The following ADCY10 variants were observed in gnomAD, a reference collection of about 807,000 sequenced individuals.
The protein encoded by ADCY10 is adenylate cyclase 10.
Under a neutral mutation model 183.3 loss-of-function variants are expected in ADCY10, and 156 were observed. That is an observed-to-expected ratio of 0.85 (90% CI 0.75 to 0.97). The LOEUF (loss-of-function observed/expected upper bound fraction) is 0.97, where lower values mean the gene tolerates loss of function less well. Among genes scored for constraint, ADCY10 ranks in the 50% least tolerant of loss-of-function variants. The pLI is 0.00. For synonymous variants in ADCY10, 645 were observed against 670.0 expected (o/e 0.96, Z 0.58); for missense variants, 1,745 against 1,934.3 (o/e 0.90, Z 1.84).
At chr1:167,873,150 G>C (rs1451556160) in intron 13 of ADCY10, among the ~76,000 whole-genome samples, 1 of 152,140 alleles carries the variant, frequency 6.6e-6, no homozygotes, top group South Asian at 2.1e-4. Flanking sequence ...TAGAAAGAAG[G>C]TTAGGATTCT....
chr1:167,865,202 G>A (rs1666595183), intron 14 of ADCY10, among the ~76,000 whole-genome samples: 1 of 151,968 alleles, frequency 6.6e-6, no homozygotes, highest in Non-Finnish European at 1.5e-5. Context: ...ATTAGAAGGA[G>A]GCATAAGAAT....
chr1:167,832,927 G>T, intron 25 of ADCY10, 60 bp downstream of exon 25: 2 of 1,567,770 alleles, frequency 1.3e-6, no homozygotes, highest in Non-Finnish European at 1.8e-6. Context: ...CTTGGATTAT[G>T]TGTAGGCCTC....
intron 21 of ADCY10, among the ~76,000 whole-genome samples, chr1:167,842,734 G>C (rs1452022217): frequency 6.6e-6 from 1 of 152,158 alleles, no homozygotes; most frequent in Admixed American, 6.5e-5. Flanking sequence ...TCTAATGCCA[G>C]TTATATGACA....
chr1:167,814,898 G>T (rs763328635), intron 31 of ADCY10, among the ~76,000 whole-genome samples: 1 of 152,162 alleles, frequency 6.6e-6, no homozygotes, highest in Non-Finnish European at 1.5e-5. Flanking sequence ...GGCCGAGGTG[G>T]TCGGATCACC....
At chr1:167,903,204 T>C (rs956005944) in intron 3 of ADCY10, among the ~76,000 whole-genome samples, 2 of 151,722 alleles carry the variant, frequency 1.3e-5, no homozygotes, top group African/African-American at 4.9e-5. Flanking sequence ...TGCAGTGAGC[T>C]GAGATCGTGC....
At chr1:167,824,422 C>T (rs1295002952) in intron 28 of ADCY10, 54 bp downstream of exon 28, 7 of 1,471,386 alleles carry the variant, frequency 4.8e-6, no homozygotes, top group Non-Finnish European at 6.7e-6. Context: ...ACCCAGAATA[C>T]TCAATAATAC....
intron 1 of ADCY10, among the ~76,000 whole-genome samples, chr1:167,909,306 C>T (rs559413272): frequency 1.7e-4 from 26 of 152,284 alleles, no homozygotes; most frequent in Admixed American, 9.2e-4. Flanking sequence ...GTTGTTCCCA[C>T]TTTTAGACCA....
chr1:167,894,791 C>A (rs943650682), intron 7 of ADCY10, among the ~76,000 whole-genome samples: 1 of 152,048 alleles, frequency 6.6e-6, no homozygotes, highest in African/African-American at 2.4e-5. Flanking sequence ...TCAGAAGTGC[C>A]GGTGGTCTGG....
intron 8 of ADCY10, among the ~76,000 whole-genome samples, chr1:167,884,665 T>G (rs34136474): frequency 0.18 from 26,630 of 150,476 alleles, 2,567 homozygotes; most frequent in Middle Eastern, 0.23. Flanking sequence ...ATCCTTATAT[T>G]CTCTACCCCC....
At chr1:167,913,732 G>A (rs1352442682) in intron 1 of ADCY10, among the ~76,000 whole-genome samples, 1 of 151,434 alleles carries the variant, frequency 6.6e-6, no homozygotes, top group African/African-American at 2.4e-5. Context: ...CTGCAGAAAA[G>A]AGGCAAATAA....
chr1:167,850,064 T>C (rs575026884), intron 18 of ADCY10, among the ~76,000 whole-genome samples: 25 of 152,132 alleles, frequency 1.6e-4, no homozygotes, highest in Admixed American at 1.2e-3. Flanking sequence ...GAAGAGGAGA[T>C]AGTAGTAATC....
intron 7 of ADCY10, 55 bp from the exon 8 acceptor site, chr1:167,893,996 G>A: frequency 1.6e-6 from 2 of 1,248,722 alleles, no homozygotes; most frequent in Non-Finnish European, 2.3e-6. Flanking sequence ...GCTCTGCAGT[G>A]CTAGTGAGAG....
In ADCY10 at chr1:167,837,593, C is replaced by T. The variant is rs546844819; in HGVS notation, c.3008-275G>A. On this transcript the variant is annotated intron_variant, in intron 21 of 32. Coordinates refer to ENST00000367851, the MANE Select transcript of ADCY10 (RefSeq NM_018417.6). ...CAAGAAAGCAAGTAATTCTAAGAAC[C>T]TGAAGGATAGCAAACCCACAAGTTG... 2.0e-5 allele frequency among the ~76,000 whole-genome samples: 3 copies of T among 152,298 alleles called. No homozygotes were observed. The South Asian group carries it at 6.2e-4, about 32-fold the overall frequency.
At chr1:167,834,230 G>A (rs1664019763) in intron 23 of ADCY10, among the ~76,000 whole-genome samples, 153 bp from the exon 24 acceptor site, 1 of 152,190 alleles carries the variant, frequency 6.6e-6, no homozygotes. Flanking sequence ...ATTAAAATGG[G>A]CTTCCAAATT....
chr1:167,846,298 T>G (rs1278359896), intron 19 of ADCY10, 35 bp from the exon 20 acceptor site: 1 of 1,611,490 alleles, frequency 6.2e-7, no homozygotes, highest in Non-Finnish European at 8.5e-7. Context: ...GAAAACTAGT[T>G]ATTTATCTTT....
At chr1:167,849,852 G>A (rs565941625) in intron 18 of ADCY10, among the ~76,000 whole-genome samples, 2 of 152,288 alleles carry the variant, frequency 1.3e-5, no homozygotes, top group East Asian at 1.9e-4. Flanking sequence ...AGGCCAACGC[G>A]AAGGCACAGG....
intron 31 of ADCY10, among the ~76,000 whole-genome samples, chr1:167,816,502 C>T (rs765079364): frequency 1.3e-4 from 20 of 151,982 alleles, no homozygotes; most frequent in South Asian, 4.1e-4. Flanking sequence ...GTCAAGATCA[C>T]GCCACTGCAC....
chr1:167,880,167 A>G lies in ADCY10; in HGVS notation c.1164T>C (p.Ser388=), dbSNP rs778642078. The G allele has an allele frequency of 2.6e-5, 42 of 1,613,462 alleles. No homozygotes were observed. The highest frequency in any genetic ancestry group is 3.5e-5 in the Non-Finnish European group (41 of 1,179,858). Residue 388 remains serine (S), a synonymous_variant, in exon 11 of 33, where the codon AGT becomes AGC. Transcript: ENST00000367851. ...CAACGATCCCACAGAAGACAATCCC[A>G]CTGGCAACACCGATGGATACAGTTC... ...KIQTVSIGVA[S]GIVFCGIVGH...
intron 1 of ADCY10, among the ~76,000 whole-genome samples, chr1:167,913,312 C>A (rs1670270561): frequency 6.6e-6 from 1 of 152,178 alleles, no homozygotes; most frequent in Non-Finnish European, 1.5e-5. Flanking sequence ...CGATTATATT[C>A]ATCAGTTTCT....
Sources: allele counts gnomAD v4.1 joint callset (sites outside exome capture counted in the v4.1 genomes callset), GRCh38; gene constraint gnomAD v4.1.1; transcripts MANE v1.5; gene names NCBI Gene and HGNC (gene_info 2026-07-23, HGNC 2026-07-21).